The following TRPC6 variants were observed in gnomAD, a reference collection of about 807,000 sequenced individuals.
TRPC6 encodes short transient receptor potential channel 6.
Under a neutral mutation model 90.7 loss-of-function variants are expected in TRPC6, and 55 were observed. The ratio of observed to expected loss-of-function variants is 0.61; its 90% CI spans 0.49 to 0.76. The LOEUF (loss-of-function observed/expected upper bound fraction) is 0.76. TRPC6 is among the 30% of genes least tolerant of loss of function. TRPC6 has a pLI of 0.00. For missense variants in TRPC6, 989 were observed against 1,122.7 expected, an observed-to-expected ratio of 0.88 and a Z score of 1.70; for synonymous variants, 393 against 393.0, an observed-to-expected ratio of 1.00 and a Z score of 0.00.
intron 6 of TRPC6, among the ~76,000 whole-genome samples, chr11:101,474,229 T>C (rs1859362405): frequency 6.6e-6 from 1 of 152,218 alleles, no homozygotes; most frequent in Non-Finnish European, 1.5e-5. Flanking sequence ...GTAGCGTTTA[T>C]TATTCAGTCT....
intron 6 of TRPC6, 122 bp downstream of exon 6, chr11:101,476,179 T>A: frequency 2.5e-6 from 2 of 788,344 alleles, no homozygotes; most frequent in South Asian, 3.3e-5. Context: ...ATTCTTCAGA[T>A]ACAGATGTTG....
At chr11:101,558,252 TGTATACATGTATATGG>T (rs1228151425) in intron 1 of TRPC6, among the ~76,000 whole-genome samples, 11 of 138,632 alleles carry the variant, frequency 7.9e-5, no homozygotes, top group Admixed American at 1.4e-4. Flanking sequence ...CATGTATATA[TGTATACATGTATATGG>T]GTATACATGT....
At chr11:101,547,236 A>G (rs1261288556) in intron 1 of TRPC6, among the ~76,000 whole-genome samples, 1 of 151,074 alleles carries the variant, frequency 6.6e-6, no homozygotes, top group Non-Finnish European at 1.5e-5. Context: ...CAAAAATGTC[A>G]TTATTATTAC....
rs139801683 is a variant in TRPC6, at chr11:101,533,503, C to T, written c.171-28705G>A. On this transcript the variant is annotated intron_variant, in intron 1 of 12. Transcript: ENST00000344327. Reference sequence around the variant, plus strand: ...ATGACCCAAACACCTCCTGCCAGGCCCCACCTCTAGAATTGGAGACAACAA... The same window carrying T: ...ATGACCCAAACACCTCCTGCCAGGCTCCACCTCTAGAATTGGAGACAACAA... 6.7e-3 allele frequency among the ~76,000 whole-genome samples: 1,027 copies of T among 152,196 alleles called. 10 individuals carry two copies. The highest frequency in any genetic ancestry group is 0.024 in the African/African-American group (976 of 41,508).
chr11:101,548,597 T>C (rs960726286), intron 1 of TRPC6, among the ~76,000 whole-genome samples: 1 of 136,762 alleles, frequency 7.3e-6, no homozygotes, highest in African/African-American at 2.8e-5. Flanking sequence ...TATTTTTTAA[T>C]TGACACCAGT....
At position 101,564,201 on chromosome 11, in the gene TRPC6, T is replaced by C. The variant is rs568450702; in HGVS notation, c.170+19133A>G. Among the ~76,000 whole-genome samples the C allele has an allele frequency of 2.0e-5, 3 of 152,330 alleles. No individual in the cohort carries two copies. In the South Asian group the frequency reaches 6.2e-4, roughly 32 times the overall value. The stretch of plus-strand genomic sequence containing the variant: ...TTTAAATTTTATTCCATTAAAGCCA[T>C]GTTTTTTGCTAGGTTTATTCCTTAA... On this transcript the variant is annotated intron_variant, in intron 1 of 12. Transcript: ENST00000344327.
chr11:101,453,548 T>A, intron 12 of TRPC6, 102 bp downstream of exon 12: 1 of 1,137,788 alleles, frequency 8.8e-7, no homozygotes, highest in Non-Finnish European at 1.3e-6. Context: ...CCCTTGAAGT[T>A]CACTCTCCCT....
At chr11:101,526,225 C>G (rs903048463) in intron 1 of TRPC6, among the ~76,000 whole-genome samples, 2 of 152,142 alleles carry the variant, frequency 1.3e-5, no homozygotes, top group Admixed American at 6.5e-5. Context: ...GCAGACCCCT[C>G]TAATGAATGG....
At chr11:101,466,816 G>A (rs756114450) in intron 10 of TRPC6, among the ~76,000 whole-genome samples, 3 of 152,188 alleles carry the variant, frequency 2.0e-5, no homozygotes, top group South Asian at 2.1e-4. Context: ...CCAAACAGCC[G>A]CCCAGTTTTG....
intron 1 of TRPC6, among the ~76,000 whole-genome samples, chr11:101,528,500 T>C (rs1282923885): frequency 6.6e-6 from 1 of 152,178 alleles, no homozygotes; most frequent in Non-Finnish European, 1.5e-5. Context: ...TAAACAGATA[T>C]TACTTTAGAG....
rs528551442 is a variant in TRPC6, at chr11:101,566,490, T to C, written c.170+16844A>G. Among the ~76,000 whole-genome samples, 54 of 152,336 alleles carry C rather than the reference T, an allele frequency of 3.5e-4. 1 individual carries two copies. Among genetic ancestry groups the C allele is most frequent in the African/African-American group, 1.3e-3 (53 of 41,572 alleles). Reference sequence around the variant, plus strand: ...AACATGAAAAGAAAAAATGTTTATTTACATATCTTGTTTGTAGGATTGTTA... The same window carrying C: ...AACATGAAAAGAAAAAATGTTTATTCACATATCTTGTTTGTAGGATTGTTA... On this transcript the variant is annotated intron_variant, in intron 1 of 12. Transcript: ENST00000344327.
intron 1 of TRPC6, among the ~76,000 whole-genome samples, chr11:101,557,258 G>A (rs764400940): frequency 2.0e-5 from 3 of 152,156 alleles, no homozygotes; most frequent in Admixed American, 6.5e-5. Flanking sequence ...GGGTGGCTAA[G>A]AAATGAGAAT....
At chr11:101,499,847 G>A (rs1276367828) in intron 2 of TRPC6, among the ~76,000 whole-genome samples, 3 of 66,580 alleles carry the variant, frequency 4.5e-5, no homozygotes, top group African/African-American at 7.3e-5. Context: ...TATAAAATGT[G>A]TATATATATA....
chr11:101,516,379 T>G (rs1349733995), intron 1 of TRPC6, among the ~76,000 whole-genome samples: 2 of 152,156 alleles, frequency 1.3e-5, no homozygotes, highest in African/African-American at 2.4e-5. Flanking sequence ...TAACACCATT[T>G]TCCTACCCAT....
chr11:101,482,919 C>G, intron 5 of TRPC6, 30 bp downstream of exon 5: 2 of 1,610,518 alleles, frequency 1.2e-6, no homozygotes, highest in Non-Finnish European at 1.7e-6. Context: ...AGACTGCAAA[C>G]AGAAAACATG....
chr11:101,482,904 T>C lies in TRPC6; in HGVS notation c.1510+45A>G, dbSNP rs199627768. 27 of 1,590,826 alleles carry C rather than the reference T, an allele frequency of 1.7e-5. No homozygotes were observed. In the Admixed American group the frequency reaches 3.8e-4, roughly 23 times the overall value. ...AAGAATCAGTGTCATTCAGTCCAAC[T>C]GCTAAGACTGCAAACAGAAAACATG... On this transcript the variant is annotated intron_variant, in intron 5 of 12. Transcript: ENST00000344327.
intron 1 of TRPC6, among the ~76,000 whole-genome samples, chr11:101,568,515 C>T (rs140602426): frequency 1.1e-4 from 17 of 152,178 alleles, no homozygotes; most frequent in Non-Finnish European, 2.4e-4. Context: ...ACAGAGAATA[C>T]CACAAAGGTA....
In TRPC6 at chr11:101,491,369, G is replaced by A. The variant is rs183006250; in HGVS notation, c.1128+187C>T. The A allele has an allele frequency of 3.0e-5, 18 of 592,274 alleles. No individual in the cohort carries two copies. In the Admixed American group the frequency reaches 4.5e-4, roughly 15 times the overall value. The allele number at this position is 592,274 out of a possible 1,614,324, so 36.7% of individuals were successfully genotyped here. ...GAATGGCCTGAACCCGGGAGGCGGA[G>A]CTTGCAGTGAGCCGAGATCGCACCA... On this transcript the variant is annotated intron_variant, in intron 3 of 12. Transcript: ENST00000344327.
At chr11:101,510,845 A>C (rs958823034) in intron 1 of TRPC6, among the ~76,000 whole-genome samples, 1 of 152,150 alleles carries the variant, frequency 6.6e-6, no homozygotes, top group African/African-American at 2.4e-5. Flanking sequence ...CTTCCTGTTC[A>C]ACTATGATAC....
Sources: gnomAD v4.1 joint callset for allele counts (sites outside exome capture counted in the v4.1 genomes callset) on GRCh38, gnomAD v4.1.1 for gene constraint, MANE v1.5 for transcripts, NCBI Gene and HGNC (gene_info 2026-07-23, HGNC 2026-07-21) for gene names.